Variants in AGTPBP1 observed in about 807,000 individuals in gnomAD.
AGTPBP1 encodes ATP/GTP binding carboxypeptidase 1, also known as cytosolic carboxypeptidase 1.
A neutral mutation model predicts 143.9 loss-of-function variants in AGTPBP1; 70 were observed. The ratio of observed to expected loss-of-function variants is 0.49; its 90% CI spans 0.40 to 0.59. The LOEUF (loss-of-function observed/expected upper bound fraction) is 0.59. Ranked by LOEUF, AGTPBP1 falls within the 20% of genes least tolerant of loss-of-function variation. The probability of loss-of-function intolerance (pLI) is 0.00; values close to 1 mark genes in which losing one functional copy is unlikely to be tolerated. For synonymous variants in AGTPBP1, 463 were observed against 500.2 expected, an observed-to-expected ratio of 0.93 and a Z score of 0.99; for missense variants, 1,229 against 1,464.5, an observed-to-expected ratio of 0.84 and a Z score of 2.62.
At chr9:85,619,355 G>C (rs1830777810) in intron 15 of AGTPBP1, 54 bp from the exon 16 acceptor site, 1 of 1,231,666 alleles carries the variant, frequency 8.1e-7, no homozygotes, top group Admixed American at 2.3e-5. Context: ...TTAAACAGAT[G>C]AGCAAAAAGT....
intron 12 of AGTPBP1, among the ~76,000 whole-genome samples, chr9:85,645,680 T>C (rs1265271810): frequency 4.0e-5 from 6 of 151,882 alleles, no homozygotes; most frequent in African/African-American, 1.2e-4. Flanking sequence ...AACCCAGCAA[T>C]AGGCTAAACA....
chr9:85,781,201 G>A, the AGTPBP1 span: 1 of 1,493,538 alleles, frequency 6.7e-7, no homozygotes, highest in South Asian at 1.4e-5. Context: ...TTGTTGTATA[G>A]AACAAGATGG....
chr9:85,741,849 C>A lies in AGTPBP1; in HGVS notation c.-108G>T. The A allele has an allele frequency of 7.1e-7, 1 of 1,398,670 alleles. No individual in the cohort carries two copies. Among genetic ancestry groups the A allele is most frequent in the Non-Finnish European group, 9.3e-7 (1 of 1,077,806 alleles). The allele number at this position is 1,398,670 out of a possible 1,614,324, so 86.6% of individuals were successfully genotyped here. The stretch of plus-strand genomic sequence containing the variant: ...GCTCAGCACCTGGATCACGGCGGAT[C>A]CCTCGCCGCCCGCCGCCCGGTGTTT... On this transcript the variant is annotated 5_prime_UTR_variant, in exon 1 of 26. Coordinates refer to ENST00000357081, the MANE Select transcript of AGTPBP1 (RefSeq NM_001330701.2).
At chr9:85,575,043 A>G (rs1010336180) in intron 25 of AGTPBP1, among the ~76,000 whole-genome samples, 5 of 152,234 alleles carry the variant, frequency 3.3e-5, no homozygotes, top group African/African-American at 1.2e-4. Flanking sequence ...TTAGCTAAGT[A>G]TAATATTTCT....
chr9:85,657,724 C>G, intron 9 of AGTPBP1, 81 bp from the exon 10 acceptor site: 5 of 960,352 alleles, frequency 5.2e-6, no homozygotes, highest in Non-Finnish European at 7.6e-6. Flanking sequence ...AAAATATTAC[C>G]TCAATATTGT....
chr9:85,660,596 A>G (rs111956406), intron 9 of AGTPBP1, among the ~76,000 whole-genome samples: 21 of 152,260 alleles, frequency 1.4e-4, no homozygotes, highest in African/African-American at 4.6e-4. Context: ...TCTTATAGTA[A>G]AAGTTCAATA....
intron 6 of AGTPBP1, among the ~76,000 whole-genome samples, chr9:85,674,411 A>T (rs1433099580): frequency 1.3e-5 from 2 of 152,122 alleles, no homozygotes; most frequent in Admixed American, 6.5e-5. Flanking sequence ...AAATATTTTT[A>T]AAATCAATAT....
At chr9:85,801,103 G>C in the AGTPBP1 span, among the ~76,000 whole-genome samples, 1 of 152,086 alleles carries the variant, frequency 6.6e-6, no homozygotes, top group Non-Finnish European at 1.5e-5. Context: ...CTTGAGGTCA[G>C]GAGTTCGTAA....
chr9:85,684,799 C>T (rs181261893), intron 3 of AGTPBP1, among the ~76,000 whole-genome samples: 4 of 152,130 alleles, frequency 2.6e-5, no homozygotes, highest in Non-Finnish European at 1.5e-5. Context: ...ATGCTGTATT[C>T]TTTCTTTAAC....
At chr9:85,624,035 A>T (rs1831117076) in intron 14 of AGTPBP1, among the ~76,000 whole-genome samples, 1 of 152,168 alleles carries the variant, frequency 6.6e-6, no homozygotes, top group Non-Finnish European at 1.5e-5. Flanking sequence ...ATACTCAAAA[A>T]CACATGTGAT....
intron 2 of AGTPBP1, among the ~76,000 whole-genome samples, chr9:85,696,570 A>C (rs1193746895): frequency 6.6e-6 from 1 of 151,994 alleles, no homozygotes; most frequent in African/African-American, 2.4e-5. Flanking sequence ...TGGGAGGCTG[A>C]GGCAGGAGAA....
At chr9:85,686,487 C>A (rs1429924160) in intron 3 of AGTPBP1, among the ~76,000 whole-genome samples, 1 of 152,098 alleles carries the variant, frequency 6.6e-6, no homozygotes, top group African/African-American at 2.4e-5. Context: ...GGACACAAAC[C>A]TCAGCTTTCT....
intron 8 of AGTPBP1, among the ~76,000 whole-genome samples, chr9:85,663,818 A>G (rs28771219): frequency 0.2 from 30,705 of 151,976 alleles, 3,497 homozygotes; most frequent in East Asian, 0.34. Context: ...AAAATATATG[A>G]CCATAAAAAG....
At chr9:85,590,307 CAG>C (rs1321267379) in intron 19 of AGTPBP1, among the ~76,000 whole-genome samples, 2 of 151,894 alleles carry the variant, frequency 1.3e-5, no homozygotes, top group Non-Finnish European at 2.9e-5. Flanking sequence ...ACCATGATTA[CAG>C]ACTTTTATAA....
intron 25 of AGTPBP1, among the ~76,000 whole-genome samples, chr9:85,554,524 C>T (rs1275473391): frequency 1.3e-5 from 2 of 152,116 alleles, no homozygotes; most frequent in Non-Finnish European, 2.9e-5. Flanking sequence ...CAGGAGGAGG[C>T]GTGAACCAAG....
intron 14 of AGTPBP1, among the ~76,000 whole-genome samples, chr9:85,627,436 T>C (rs1179509753): frequency 6.6e-6 from 1 of 152,190 alleles, no homozygotes. Context: ...ACATTAGTGT[T>C]ACTTGGAGGA....
At chr9:85,730,468 T>C (rs998649448) in intron 1 of AGTPBP1, among the ~76,000 whole-genome samples, 3 of 152,178 alleles carry the variant, frequency 2.0e-5, no homozygotes, top group African/African-American at 7.2e-5. Flanking sequence ...GCAAGGCTTT[T>C]CCAGGGACCC....
chr9:85,804,029 G>C, the AGTPBP1 span, among the ~76,000 whole-genome samples: 8,879 of 152,044 alleles, frequency 0.058, 844 homozygotes, highest in African/African-American at 0.2. Context: ...CTTTAGGTCA[G>C]ACTCATCATT....
intron 11 of AGTPBP1, among the ~76,000 whole-genome samples, chr9:85,649,812 C>CTGATAATATA (rs1833037618): frequency 6.6e-6 from 1 of 152,096 alleles, no homozygotes; most frequent in Admixed American, 6.5e-5. Flanking sequence ...CTTTGATCTA[C>CTGATAATATA]TGATAATATA....
Sources: gnomAD v4.1 joint callset for allele counts (sites outside exome capture counted in the v4.1 genomes callset) on GRCh38, gnomAD v4.1.1 for gene constraint, MANE v1.5 for transcripts, NCBI Gene and HGNC (gene_info 2026-07-23, HGNC 2026-07-21) for gene names.